The following MIPOL1 variants were observed in gnomAD, a reference collection of about 807,000 sequenced individuals.
MIPOL1 encodes mirror-image polydactyly 1, also known as mirror-image polydactyly gene 1 protein.
Under a neutral mutation model 60.9 loss-of-function variants are expected in MIPOL1, and 57 were observed. The observed-to-expected ratio is 0.94, with a 90% CI of 0.76 to 1.17. MIPOL1 has a LOEUF of 1.17. Among genes scored for constraint, MIPOL1 ranks in the 50% most tolerant of loss-of-function variants. The probability of loss-of-function intolerance (pLI) is 0.00; values close to 1 mark genes in which losing one functional copy is unlikely to be tolerated. For synonymous variants in MIPOL1, 179 were observed against 168.8 expected, an observed-to-expected ratio of 1.06 and a Z score of -0.47; for missense variants, 551 against 511.6, an observed-to-expected ratio of 1.08 and a Z score of -0.74.
intron 12 of MIPOL1, among the ~76,000 whole-genome samples, chr14:37,538,972 G>T (rs982272214): frequency 2.0e-5 from 3 of 152,016 alleles, no homozygotes; most frequent in African/African-American, 7.2e-5. Context: ...GGAGGCCGAG[G>T]CAGGCGGATC....
At chr14:37,291,877 T>G (rs556674627) in intron 7 of MIPOL1, among the ~76,000 whole-genome samples, 1 of 151,948 alleles carries the variant, frequency 6.6e-6, no homozygotes, top group South Asian at 2.1e-4. Flanking sequence ...CTCAAAGGTC[T>G]TACTTCTTAA....
intron 3 of MIPOL1, among the ~76,000 whole-genome samples, chr14:37,259,768 A>G (rs532892376): frequency 1.4e-4 from 21 of 152,226 alleles, no homozygotes; most frequent in Middle Eastern, 3.4e-3. Flanking sequence ...GAGAAATATA[A>G]TATTACTCAT....
At chr14:37,507,968 T>G (rs1164247689) in intron 12 of MIPOL1, among the ~76,000 whole-genome samples, 1 of 152,142 alleles carries the variant, frequency 6.6e-6, no homozygotes, top group Non-Finnish European at 1.5e-5. Context: ...TATTATCGGG[T>G]TTTCCTTTTC....
intron 12 of MIPOL1, chr14:37,503,632 A>G (rs986939924): frequency 6.6e-6 from 1 of 152,132 alleles, no homozygotes; most frequent in African/African-American, 2.4e-5. Context: ...GAACAATTGG[A>G]ACAAGCCACT....
intron 10 of MIPOL1, among the ~76,000 whole-genome samples, chr14:37,371,640 T>C (rs564842579): frequency 6.6e-6 from 1 of 152,292 alleles, no homozygotes; most frequent in East Asian, 1.9e-4. Context: ...TTTAAGCTTG[T>C]TTTAAAATGG....
rs146170567 is a variant in MIPOL1, at chr14:37,268,659, G to C, written c.253G>C (p.Val85Leu). The change falls in exon 5 of 13, where the codon GTT becomes CTT. Residue 85 changes from valine to leucine, a missense_variant and splice_region_variant. Val to Leu is a conservative substitution (Grantham distance 32, BLOSUM62 1). Coordinates refer to ENST00000684589, the MANE Select transcript of MIPOL1 (RefSeq NM_001388067.1). ...SVYCTTEKYN[V>L]MEHRHNDMHY... ...TGTTAATCAGTTTCTTTATTACAGC[G>C]TTATGGAACATAGACATAATGATAT... The C allele has an allele frequency of 6.3e-7, 1 of 1,578,706 alleles. No individual in the cohort carries two copies. Among genetic ancestry groups the C allele is most frequent in the Admixed American group, 1.9e-5 (1 of 52,234 alleles).
At chr14:37,310,828 T>A (rs1464917548) in intron 9 of MIPOL1, among the ~76,000 whole-genome samples, 1 of 152,160 alleles carries the variant, frequency 6.6e-6, no homozygotes, top group African/African-American at 2.4e-5. Context: ...GTTTGTTTCC[T>A]TAGCACTGGA....
intron 10 of MIPOL1, among the ~76,000 whole-genome samples, chr14:37,407,987 C>G (rs1248017753): frequency 2.7e-5 from 4 of 150,390 alleles, no homozygotes; most frequent in Non-Finnish European, 5.9e-5. Flanking sequence ...GGAACTGAAA[C>G]TACAGGTGTG....
chr14:37,299,972 A>G (rs915021924), intron 7 of MIPOL1, among the ~76,000 whole-genome samples: 4 of 151,912 alleles, frequency 2.6e-5, no homozygotes, highest in South Asian at 2.1e-4. Context: ...ATGTTTCTCA[A>G]TTTGGGTTTG....
intron 9 of MIPOL1, among the ~76,000 whole-genome samples, chr14:37,349,202 G>C (rs981001105): frequency 1.3e-5 from 2 of 151,898 alleles, no homozygotes; most frequent in African/African-American, 4.8e-5. Flanking sequence ...TGGCTAGGCT[G>C]GTCTCGTACT....
At chr14:37,310,521 G>A (rs1371563556) in intron 9 of MIPOL1, among the ~76,000 whole-genome samples, 1 of 152,000 alleles carries the variant, frequency 6.6e-6, no homozygotes, top group Non-Finnish European at 1.5e-5. Flanking sequence ...CTAACTACAT[G>A]CTTCTATTTA....
intron 1 of MIPOL1, among the ~76,000 whole-genome samples, chr14:37,229,945 C>G (rs1366520117): frequency 6.6e-6 from 1 of 151,820 alleles, no homozygotes; most frequent in African/African-American, 2.4e-5. Flanking sequence ...AGATGTTGGT[C>G]AAAGGAGACA....
intron 11 of MIPOL1, among the ~76,000 whole-genome samples, chr14:37,467,338 A>G (rs1329581248): frequency 1.3e-5 from 2 of 152,378 alleles, no homozygotes; most frequent in East Asian, 1.9e-4. Context: ...CAGCACTTGC[A>G]TAATTTGCTT....
At chr14:37,398,080 G>T (rs2006729) in intron 10 of MIPOL1, among the ~76,000 whole-genome samples, 112,172 of 151,858 alleles carry the variant, frequency 0.74, 41,652 homozygotes, top group East Asian at 0.85. Flanking sequence ...CCGCCCTCTC[G>T]TTGGATCCCT....
intron 9 of MIPOL1, among the ~76,000 whole-genome samples, chr14:37,326,858 A>G (rs1294297666): frequency 6.6e-6 from 1 of 152,234 alleles, no homozygotes; most frequent in Non-Finnish European, 1.5e-5. Flanking sequence ...TGAAACACAA[A>G]TACTCAGTGT....
intron 12 of MIPOL1, among the ~76,000 whole-genome samples, chr14:37,528,515 G>A (rs2095461282): frequency 6.6e-6 from 1 of 152,032 alleles, no homozygotes; most frequent in South Asian, 2.1e-4. Context: ...TTGAGGAACT[G>A]TGTATTTTTA....
At chr14:37,492,653 G>A (rs2095061722) in intron 11 of MIPOL1, among the ~76,000 whole-genome samples, 1 of 152,030 alleles carries the variant, frequency 6.6e-6, no homozygotes, top group Non-Finnish European at 1.5e-5. Flanking sequence ...ATATTCAGTA[G>A]GTAAGTTTTT....
intron 11 of MIPOL1, among the ~76,000 whole-genome samples, chr14:37,480,030 G>T (rs7159004): frequency 2.0e-5 from 3 of 152,024 alleles, no homozygotes; most frequent in Non-Finnish European, 2.9e-5. Flanking sequence ...ACTATAAAGA[G>T]GTTAAATCAG....
At chr14:37,252,536 A>G (rs923044367) in intron 3 of MIPOL1, among the ~76,000 whole-genome samples, 17 of 151,936 alleles carry the variant, frequency 1.1e-4, no homozygotes, top group Non-Finnish European at 1.5e-5. Flanking sequence ...TTTTAAATAA[A>G]TGAAACTTAA....
Sources: allele counts gnomAD v4.1 joint callset (sites outside exome capture counted in the v4.1 genomes callset), GRCh38; gene constraint gnomAD v4.1.1; transcripts MANE v1.5; gene names NCBI Gene and HGNC (gene_info 2026-07-23, HGNC 2026-07-21).